LMX1B: variants seen among roughly 807,000 people sequenced by gnomAD.
The protein encoded by LMX1B is LIM homeobox transcription factor 1 beta.
In LMX1B, 12 loss-of-function variants were observed where a neutral mutation model predicts 51.4. The ratio of observed to expected loss-of-function variants is 0.23; its 90% CI spans 0.15 to 0.38. LMX1B has a LOEUF of 0.38. LMX1B is among the 10% of genes least tolerant of loss of function. The pLI, the probability that LMX1B is intolerant of heterozygous loss-of-function variation, is 1.00. For synonymous variants in LMX1B, 237 were observed against 235.4 expected (o/e 1.01, Z -0.06); for missense variants, 445 against 571.1 (o/e 0.78, Z 2.25).
chr9:126,615,289 C>T lies in LMX1B; in HGVS notation c.140-94C>T. 9 of 995,454 alleles carry T rather than the reference C, an allele frequency of 9.0e-6. No individual in the cohort carries two copies. The South Asian group carries it at 2.9e-4, about 32-fold the overall frequency. 61.7% of individuals were successfully genotyped at this position (995,454 alleles called of 1,614,324 possible). A position where few individuals can be genotyped will look rare whatever the true frequency, so the allele number is the denominator to read the frequency against. ...GGCGGTGATCCCGGGCGGCCCGAGC[C>T]CTCGGGGCCGAGGGCTGTGGGCCCG... On this transcript the variant is annotated intron_variant, in intron 1 of 7. Coordinates refer to ENST00000373474, the MANE Select transcript of LMX1B (RefSeq NM_001174147.2). This position sits in a 1 kb window ranked among gnomAD's most constrained non-coding sequence, Gnocchi z 6.0.
intron 2 of LMX1B, among the ~76,000 whole-genome samples, chr9:126,652,404 C>T (rs145708494): frequency 1.8e-3 from 273 of 152,294 alleles, no homozygotes; most frequent in African/African-American, 5.5e-3. Flanking sequence ...TTGTTTGGAA[C>T]GATAACTGCA....
At chr9:126,675,899 A>G (rs1330910831) in intron 2 of LMX1B, among the ~76,000 whole-genome samples, 2 of 149,396 alleles carry the variant, frequency 1.3e-5, no homozygotes, top group Non-Finnish European at 3.0e-5. Context: ...AATACAAAAA[A>G]TTAGCCGGGC....
chr9:126,663,631 C>T (rs984406594), intron 2 of LMX1B, among the ~76,000 whole-genome samples: 18 of 152,330 alleles, frequency 1.2e-4, no homozygotes, highest in African/African-American at 3.8e-4. Flanking sequence ...TAGTGCCTGG[C>T]GCCTAATGAC....
At chr9:126,694,423 G>A (rs899594784) in intron 6 of LMX1B, among the ~76,000 whole-genome samples, 10 of 152,328 alleles carry the variant, frequency 6.6e-5, no homozygotes, top group East Asian at 1.9e-4. Flanking sequence ...TTGTCAGGGC[G>A]TGAAGGGCCT....
Position 126,671,855 on chromosome 9 carries a change from CCTCCA to C in LMX1B, c.327-18976_327-18972del, listed in dbSNP as rs747863798. 1.3e-5 allele frequency among the ~76,000 whole-genome samples: 2 copies of C among 152,228 alleles called. No homozygotes were observed. Among genetic ancestry groups the C allele is most frequent in the Non-Finnish European group, 2.9e-5 (2 of 68,032 alleles). ...GCGGCCCAGAGGCCACTTGGCCAGG[CCTCCA>C]CTCCCCTCCCTCCAGAGGGGCAGAG... On this transcript the variant is annotated intron_variant, in intron 2 of 7. Coordinates refer to ENST00000373474, the MANE Select transcript of LMX1B (RefSeq NM_001174147.2). This position sits in a 1 kb window ranked among gnomAD's most constrained non-coding sequence, Gnocchi z 4.4.
chr9:126,646,755 CA>C (rs760953967), intron 2 of LMX1B, among the ~76,000 whole-genome samples: 47 of 152,232 alleles, frequency 3.1e-4, no homozygotes, highest in Admixed American at 5.9e-4. Flanking sequence ...CTGCCCTGTG[CA>C]GACCCTGCCC....
chr9:126,684,669 T>C (rs1272046899), intron 2 of LMX1B, among the ~76,000 whole-genome samples: 1 of 152,134 alleles, frequency 6.6e-6, no homozygotes, highest in Non-Finnish European at 1.5e-5. Flanking sequence ...GAGGGTCTGG[T>C]TGGCTCCCCT....
chr9:126,652,078 A>G (rs1255947081), intron 2 of LMX1B, among the ~76,000 whole-genome samples: 1 of 151,414 alleles, frequency 6.6e-6, no homozygotes, highest in Non-Finnish European at 1.5e-5. Flanking sequence ...CAGGGTCCTC[A>G]CAACAGAGAT....
At chr9:126,646,920 A>G (rs1009817725) in intron 2 of LMX1B, among the ~76,000 whole-genome samples, 1 of 152,246 alleles carries the variant, frequency 6.6e-6, no homozygotes, top group Admixed American at 6.5e-5. Context: ...ACAATGTGAT[A>G]GGTGCTCTAG....
At chr9:126,682,952 A>G (rs1023555983) in intron 2 of LMX1B, among the ~76,000 whole-genome samples, 8 of 150,428 alleles carry the variant, frequency 5.3e-5, no homozygotes, top group African/African-American at 1.9e-4. Context: ...CCAAATGTGC[A>G]TGTGGGCCTC....
chr9:126,683,531 G>A (rs1224401216), intron 2 of LMX1B, among the ~76,000 whole-genome samples: 2 of 152,194 alleles, frequency 1.3e-5, no homozygotes, highest in Non-Finnish European at 2.9e-5. Flanking sequence ...GTGACCCCCA[G>A]AGTGTCTAGG....
chr9:126,669,840 G>A (rs544022365), intron 2 of LMX1B, among the ~76,000 whole-genome samples: 37 of 152,246 alleles, frequency 2.4e-4, no homozygotes, highest in Admixed American at 2.1e-3. Context: ...TGGGCAGTCC[G>A]CTCCTCTGCC....
intron 2 of LMX1B, among the ~76,000 whole-genome samples, chr9:126,662,260 G>T (rs1342689459): frequency 2.0e-5 from 3 of 152,186 alleles, no homozygotes; most frequent in Non-Finnish European, 4.4e-5. Context: ...AAGAGTAGTG[G>T]CCCCTGTGTG....
At chr9:126,672,742 C>T (rs10120322) in intron 2 of LMX1B, among the ~76,000 whole-genome samples, 29,448 of 152,172 alleles carry the variant, frequency 0.19, 4,004 homozygotes, top group African/African-American at 0.39. Context: ...AGGAACAGTC[C>T]AGGGCCTGGC....
chr9:126,636,000 C>G (rs925018516), intron 2 of LMX1B, among the ~76,000 whole-genome samples: 2 of 152,164 alleles, frequency 1.3e-5, no homozygotes, highest in Non-Finnish European at 2.9e-5. Context: ...GAGTGGCAGC[C>G]ACTTCCTGCT....
chr9:126,649,469 C>G (rs1156398214), intron 2 of LMX1B, among the ~76,000 whole-genome samples: 1 of 152,204 alleles, frequency 6.6e-6, no homozygotes, highest in Admixed American at 6.5e-5. Flanking sequence ...TCAGAATCCC[C>G]TGGCAAGCCT....
intron 3 of LMX1B, among the ~76,000 whole-genome samples, chr9:126,692,635 G>A (rs1169989769): frequency 2.6e-5 from 4 of 152,262 alleles, no homozygotes; most frequent in Non-Finnish European, 4.4e-5. Flanking sequence ...TGCATCTTAC[G>A]AGTGTGTGCG....
Position 126,614,414 on chromosome 9 carries a change from CCCGGCCGGCGGGGTCCGCAGCG to C in LMX1B, c.-34_-13del. 2 of 1,420,604 alleles carry C rather than the reference CCCGGCCGGCGGGGTCCGCAGCG, an allele frequency of 1.4e-6. No homozygotes were observed. The highest frequency in any genetic ancestry group is 1.8e-6 in the Non-Finnish European group (2 of 1,082,032). The allele number at this position is 1,420,604 out of a possible 1,614,324, so 88.0% of individuals were successfully genotyped here. ...GGTGGACGGGCCGGCGGGCGAGCAG[CCCGGCCGGCGGGGTCCGCAGCG>C]CGCCCCGCGTCCCATGGATATAGCA... On this transcript the variant is annotated 5_prime_UTR_variant, in exon 1 of 8. Coordinates refer to ENST00000373474, the MANE Select transcript of LMX1B (RefSeq NM_001174147.2).
chr9:126,699,792 GT>G lies in LMX1B; in HGVS notation c.*3342del. On this transcript the variant is annotated 3_prime_UTR_variant, in exon 8 of 8. Transcript: ENST00000373474. ...GTTCAGGGCCACCCAGCAGAAGCCT[GT>G]GGGGCTGGGCAACCTTCTCCCACTT... The G allele has an allele frequency of 6.6e-6, 1 of 152,298 alleles. No individual in the cohort carries two copies. Among genetic ancestry groups the G allele is most frequent in the Non-Finnish European group, 1.5e-5 (1 of 68,106 alleles). The allele number at this position is 152,298 out of a possible 1,614,324, so 9.4% of individuals were successfully genotyped here.
Sources: gnomAD v4.1 joint callset for allele counts (sites outside exome capture counted in the v4.1 genomes callset) on GRCh38, gnomAD v4.1.1 for gene constraint, Gnocchi (gnomAD v3.1) non-coding constraint, MANE v1.5 for transcripts, NCBI Gene and HGNC (gene_info 2026-07-23, HGNC 2026-07-21) for gene names.